ETS1: variants seen among roughly 807,000 people sequenced by gnomAD.
The protein encoded by ETS1 is ETS proto-oncogene 1, transcription factor.
In ETS1, 15 loss-of-function variants were observed where a neutral mutation model predicts 58.6. The observed-to-expected ratio is 0.26, with a 90% confidence interval of 0.17 to 0.39. The LOEUF (loss-of-function observed/expected upper bound fraction) is 0.39. Ranked by LOEUF, ETS1 falls within the 10% of genes least tolerant of loss-of-function variation. ETS1 has a pLI of 1.00. For missense variants in ETS1, 417 were observed against 610.5 expected, an observed-to-expected ratio of 0.68 and a Z score of 3.34; for synonymous variants, 214 against 218.2, an observed-to-expected ratio of 0.98 and a Z score of 0.17.
rs143068014 is a variant in ETS1 at position 128,527,996 on chromosome 11, C to CA, written c.214+28294dup. ...TCAAGAAGCAGAGATAAGTGGAGCA[C>CA]AAAAAGGAGAAATAGCCCTGAAAGG... On this transcript the variant is annotated intron_variant, in intron 3 of 9. Coordinates refer to ENST00000392668, the MANE Select transcript of ETS1 (RefSeq NM_001143820.2). Among the ~76,000 whole-genome samples, 786 of 151,882 alleles carry CA rather than the reference C, an allele frequency of 5.2e-3. 7 individuals carry two copies. The highest frequency in any genetic ancestry group is 0.017 in the Middle Eastern group (5 of 294).
At chr11:128,469,454 T>C (rs1862126033) in intron 8 of ETS1, among the ~76,000 whole-genome samples, 1 of 152,110 alleles carries the variant, frequency 6.6e-6, no homozygotes, top group Non-Finnish European at 1.5e-5. Context: ...TTCACAAGTG[T>C]ATCAATCTGC....
intron 3 of ETS1, among the ~76,000 whole-genome samples, chr11:128,500,579 T>C (rs950039991): frequency 3.9e-5 from 6 of 152,168 alleles, no homozygotes; most frequent in African/African-American, 1.4e-4. Flanking sequence ...GGCTTTTTTA[T>C]GCAGATGTGT....
intron 3 of ETS1, among the ~76,000 whole-genome samples, chr11:128,535,638 T>C (rs1863962575): frequency 6.6e-6 from 1 of 152,168 alleles, no homozygotes; most frequent in Non-Finnish European, 1.5e-5. Flanking sequence ...AATGAGTGGG[T>C]CTCATCCCTG....
At chr11:128,548,154 A>C (rs1200083480) in intron 3 of ETS1, among the ~76,000 whole-genome samples, 1 of 150,942 alleles carries the variant, frequency 6.6e-6, no homozygotes, top group Non-Finnish European at 1.5e-5. Context: ...AGGGAAGGGA[A>C]GGAAAGGAAA....
chr11:128,532,727 T>G (rs1212534404), intron 3 of ETS1, among the ~76,000 whole-genome samples: 2 of 152,088 alleles, frequency 1.3e-5, no homozygotes, highest in Non-Finnish European at 2.9e-5. Flanking sequence ...CTGTTCTTGT[T>G]CTTCTTTTCT....
chr11:128,571,503 A>AGCCTAGGCG (rs1258336405), intron 2 of ETS1, among the ~76,000 whole-genome samples: 3 of 3,602 alleles, frequency 8.3e-4, no homozygotes, highest in African/African-American at 7.0e-3. Flanking sequence ...GACTCCGTCA[A>AGCCTAGGCG]AAAAAAAAAA....
rs1322137449 is a variant in ETS1, at chr11:128,486,230, C to CA, written c.536-85dup. 3.7e-6 allele frequency: 3 copies of CA among 814,162 alleles called. No individual in the cohort carries two copies. The East Asian group carries it at 7.4e-5, about 20-fold the overall frequency. 50.4% of individuals were successfully genotyped at this position (814,162 alleles called of 1,614,324 possible). A position where few individuals can be genotyped will look rare whatever the true frequency, so the allele number is the denominator to read the frequency against. The stretch of plus-strand genomic sequence containing the variant: ...AAAAGGATCTTGGATGCAAAGACCA[C>CA]AATGATCTCAACCCCTTTTCTAAGA... On this transcript the variant is annotated intron_variant, in intron 5 of 9. Transcript: ENST00000392668.
chr11:128,547,539 A>G (rs540020615), intron 3 of ETS1, among the ~76,000 whole-genome samples: 1 of 152,322 alleles, frequency 6.6e-6, no homozygotes, highest in South Asian at 2.1e-4. Context: ...AGCTACTTAA[A>G]TCACTGGTAT....
chr11:128,497,334 G>A (rs1415826062), intron 3 of ETS1, among the ~76,000 whole-genome samples: 3 of 152,198 alleles, frequency 2.0e-5, no homozygotes, highest in African/African-American at 7.2e-5. Flanking sequence ...GAGGGAAGCT[G>A]CCCTAAGACA....
rs1466901321 is a variant in ETS1, at chr11:128,460,936, T to C, written c.*1425A>G. On this transcript the variant is annotated 3_prime_UTR_variant, in exon 10 of 10. Transcript: ENST00000392668. ...TTTGCATACACAGTCTCACCTGACA[T>C]CCTACCGGACTAATTTAAATTCTTC... is the stretch of plus-strand genomic sequence containing the variant. 1 of 152,370 alleles carries C rather than the reference T, an allele frequency of 6.6e-6. No individual in the cohort carries two copies. Among genetic ancestry groups the C allele is most frequent in the African/African-American group, 2.4e-5 (1 of 41,454 alleles). The allele number at this position is 152,370 out of a possible 1,614,324, so 9.4% of individuals were successfully genotyped here.
At chr11:128,575,876 CTT>C (rs988320192) in intron 1 of ETS1, among the ~76,000 whole-genome samples, 2 of 152,184 alleles carry the variant, frequency 1.3e-5, no homozygotes, top group Non-Finnish European at 2.9e-5. Context: ...AGAGAAAGGA[CTT>C]TTGGAATTGG....
At chr11:128,529,665 C>T (rs1024745175) in intron 3 of ETS1, among the ~76,000 whole-genome samples, 4 of 152,088 alleles carry the variant, frequency 2.6e-5, no homozygotes, top group African/African-American at 7.2e-5. Context: ...GAACCAGTTC[C>T]GTATAAGAGC....
chr11:128,518,757 C>T (rs1184507510), intron 3 of ETS1, among the ~76,000 whole-genome samples: 1 of 152,238 alleles, frequency 6.6e-6, no homozygotes, highest in African/African-American at 2.4e-5. Context: ...GAAACAAAGA[C>T]TGACCAAGCT....
chr11:128,462,671 T>C (rs1861934146), intron 9 of ETS1, 95 bp from the exon 10 acceptor site: 16 of 859,944 alleles, frequency 1.9e-5, no homozygotes, highest in Non-Finnish European at 3.0e-5. Context: ...TACCCATTCA[T>C]GGTGACCCAT....
At chr11:128,476,845 C>T (rs879721612) in intron 8 of ETS1, among the ~76,000 whole-genome samples, 7 of 152,164 alleles carry the variant, frequency 4.6e-5, no homozygotes, top group South Asian at 2.1e-4. Flanking sequence ...TACATTTTGG[C>T]GGAAGCCAAC....
chr11:128,521,955 T>G, intron 3 of ETS1: 2 of 1,607,420 alleles, frequency 1.2e-6, no homozygotes, highest in Non-Finnish European at 1.7e-6. Flanking sequence ...TCCGTCTTGA[T>G]GATGGTGAGA....
chr11:128,482,020 A>G (rs536418474), intron 7 of ETS1, among the ~76,000 whole-genome samples: 3 of 152,278 alleles, frequency 2.0e-5, no homozygotes, highest in Admixed American at 6.5e-5. Context: ...AGCAAACTGA[A>G]GAGCTTCATG....
At chr11:128,510,926 A>T (rs1863376621) in intron 3 of ETS1, among the ~76,000 whole-genome samples, 1 of 152,240 alleles carries the variant, frequency 6.6e-6, no homozygotes, top group Non-Finnish European at 1.5e-5. Flanking sequence ...TTTTTTGGTA[A>T]GGAACAACAC....
chr11:128,481,555 A>G (rs1179593914), intron 7 of ETS1, among the ~76,000 whole-genome samples: 2 of 152,350 alleles, frequency 1.3e-5, no homozygotes, highest in African/African-American at 4.8e-5. Context: ...AGGAGACTAG[A>G]TGGTCACCTC....
Sources: gnomAD v4.1 joint callset for allele counts (sites outside exome capture counted in the v4.1 genomes callset) on GRCh38, gnomAD v4.1.1 for gene constraint, MANE v1.5 for transcripts, NCBI Gene and HGNC (gene_info 2026-07-23, HGNC 2026-07-21) for gene names.